Variants in CCSER1 observed in about 807,000 individuals in gnomAD.
CCSER1 encodes the protein coiled-coil serine rich protein 1.
CCSER1 carries 41 observed loss-of-function variants against 82.0 expected under a neutral mutation model. That is an observed-to-expected ratio of 0.50 (90% CI 0.39 to 0.65). The LOEUF is 0.65. Ranked by LOEUF, CCSER1 falls within the 30% of genes least tolerant of loss-of-function variation. The pLI is 0.00. For missense variants in CCSER1, 1,119 were observed against 1,064.2 expected (o/e 1.05, Z -0.72); for synonymous variants, 414 against 383.9 (o/e 1.08, Z -0.92).
At chr4:90,996,918 A>G (rs893378732) in intron 9 of CCSER1, among the ~76,000 whole-genome samples, 1 of 152,048 alleles carries the variant, frequency 6.6e-6, no homozygotes, top group Non-Finnish European at 1.5e-5. Flanking sequence ...GGACATTTGG[A>G]TTACTTCTGG....
chr4:91,150,390 G>C (rs1460268689), intron 10 of CCSER1, among the ~76,000 whole-genome samples: 1 of 152,150 alleles, frequency 6.6e-6, no homozygotes, highest in East Asian at 1.9e-4. Flanking sequence ...CTGGGATGAT[G>C]GGGTTTTCTA....
At chr4:90,670,772 A>G (rs1445386144) in intron 6 of CCSER1, among the ~76,000 whole-genome samples, 1 of 152,050 alleles carries the variant, frequency 6.6e-6, no homozygotes, top group Admixed American at 6.6e-5. Flanking sequence ...GCTACTGAAA[A>G]GTAATAGTGA....
intron 5 of CCSER1, among the ~76,000 whole-genome samples, chr4:90,605,062 C>G (rs571678829): frequency 6.6e-6 from 1 of 152,278 alleles, no homozygotes; most frequent in East Asian, 1.9e-4. Context: ...CTGCTGCTGA[C>G]TCTTTGGGTT....
At chr4:91,052,091 A>G (rs981645680) in intron 9 of CCSER1, among the ~76,000 whole-genome samples, 5 of 152,192 alleles carry the variant, frequency 3.3e-5, no homozygotes, top group Middle Eastern at 3.4e-3. Flanking sequence ...TATAATTGTT[A>G]TGGAACCCTA....
intron 5 of CCSER1, among the ~76,000 whole-genome samples, chr4:90,555,093 A>C (rs1560711661): frequency 6.6e-6 from 1 of 152,188 alleles, no homozygotes; most frequent in Non-Finnish European, 1.5e-5. Flanking sequence ...TTTGCTCAAA[A>C]ATATGTTAAA....
intron 5 of CCSER1, among the ~76,000 whole-genome samples, chr4:90,500,252 C>T (rs889405757): frequency 9.2e-5 from 14 of 151,948 alleles, no homozygotes; most frequent in Non-Finnish European, 2.9e-5. Flanking sequence ...TTTTGAATTA[C>T]CCACAGTGTT....
intron 10 of CCSER1, among the ~76,000 whole-genome samples, chr4:91,257,195 ATATGT>A (rs1342454427): frequency 1.3e-5 from 2 of 152,130 alleles, no homozygotes; most frequent in Non-Finnish European, 2.9e-5. Context: ...ATATGTTTAG[ATATGT>A]TACGTTAGAA....
In CCSER1 at chr4:90,630,474, C is replaced by T. The variant is rs758286610; in HGVS notation, c.1932+2242C>T. The stretch of plus-strand genomic sequence containing the variant: ...ATATATTTAGATGGTTTCTATACTG[C>T]CACCTGGTTTTCTTTATTAAGGGGT... On this transcript the variant is annotated intron_variant, in intron 6 of 10. Coordinates refer to ENST00000509176, the MANE Select transcript of CCSER1 (RefSeq NM_001145065.2). Among the ~76,000 whole-genome samples the T allele has an allele frequency of 3.0e-3, 464 of 152,180 alleles. 1 individual carries two copies. The highest frequency in any genetic ancestry group is 4.2e-3 in the Non-Finnish European group (284 of 67,998).
At chr4:90,410,767 C>G (rs1268206660) in intron 4 of CCSER1, among the ~76,000 whole-genome samples, 2 of 152,124 alleles carry the variant, frequency 1.3e-5, no homozygotes, top group Non-Finnish European at 2.9e-5. Flanking sequence ...CAAGAAATAA[C>G]TAAGATCAGA....
At chr4:91,471,925 G>GT (rs1433717083) in intron 10 of CCSER1, among the ~76,000 whole-genome samples, 1 of 142,588 alleles carries the variant, frequency 7.0e-6, no homozygotes, top group African/African-American at 2.6e-5. Flanking sequence ...AGCTGAGATC[G>GT]TGCCACTGCA....
Position 91,603,403 on chromosome 4 carries a change from AGAT to A in CCSER1, c.*4350_*4352del, listed in dbSNP as rs1313245717. The A allele has an allele frequency of 6.6e-6, 1 of 152,126 alleles. No individual in the cohort carries two copies. The allele number at this position is 152,126 out of a possible 1,614,324, so 9.4% of individuals were successfully genotyped here. ...TGCAGCCCAAAACCAAAAAGTTAAA[AGAT>A]GATAACACTCTGTGGTTGAATTACC... On this transcript the variant is annotated 3_prime_UTR_variant, in exon 11 of 11. Transcript: ENST00000509176.
rs116283425 is a variant in CCSER1, at chr4:90,449,781, C to T, written c.1604-18453C>T. ...AGACAGTGGGAAGGTCACTTCCAAGCCTCCAAGAGCAGAGAGGCTTCCCAG... is the reference window on the plus strand; with the variant it reads ...AGACAGTGGGAAGGTCACTTCCAAGTCTCCAAGAGCAGAGAGGCTTCCCAG... On this transcript the variant is annotated intron_variant, in intron 4 of 10. Transcript: ENST00000509176. Among the ~76,000 whole-genome samples the T allele has an allele frequency of 8.0e-3, 1,217 of 152,322 alleles. 14 individuals are homozygous for T. Among genetic ancestry groups the T allele is most frequent in the African/African-American group, 0.028 (1,170 of 41,584 alleles).
chr4:90,873,568 A>C (rs2150041128), intron 8 of CCSER1, among the ~76,000 whole-genome samples: 1 of 152,232 alleles, frequency 6.6e-6, no homozygotes. Context: ...GTAAACAAAT[A>C]ATATTTTGAA....
intron 4 of CCSER1, among the ~76,000 whole-genome samples, chr4:90,433,581 A>G (rs971472562): frequency 1.3e-5 from 2 of 152,100 alleles, no homozygotes; most frequent in African/African-American, 4.8e-5. Flanking sequence ...AAATCTTAGC[A>G]TAGTGACTCA....
chr4:90,758,615 C>T (rs534055444), intron 7 of CCSER1, among the ~76,000 whole-genome samples: 12 of 151,938 alleles, frequency 7.9e-5, no homozygotes, highest in Admixed American at 5.9e-4. Context: ...ACTATGATGC[C>T]AAATCAGGTG....
At chr4:90,445,263 T>A (rs954823554) in intron 4 of CCSER1, among the ~76,000 whole-genome samples, 6 of 152,102 alleles carry the variant, frequency 3.9e-5, no homozygotes. Flanking sequence ...TATAACACAT[T>A]ATTTCTCATG....
intron 5 of CCSER1, among the ~76,000 whole-genome samples, chr4:90,511,685 A>T (rs555265689): frequency 6.6e-6 from 1 of 152,214 alleles, no homozygotes; most frequent in Non-Finnish European, 1.5e-5. Context: ...AAGATGAAAG[A>T]TTTATACAAT....
chr4:90,969,156 T>C (rs1458790315), intron 9 of CCSER1, among the ~76,000 whole-genome samples: 1 of 151,534 alleles, frequency 6.6e-6, no homozygotes, highest in African/African-American at 2.4e-5. Context: ...GCCAGTGAGA[T>C]CTATGGGACA....
intron 10 of CCSER1, among the ~76,000 whole-genome samples, chr4:91,455,574 G>A (rs970741910): frequency 1.3e-5 from 2 of 151,932 alleles, no homozygotes; most frequent in African/African-American, 4.8e-5. Flanking sequence ...GGACTTCCCA[G>A]CCTCCAGAAT....
Sources: allele counts gnomAD v4.1 joint callset (sites outside exome capture counted in the v4.1 genomes callset), GRCh38; gene constraint gnomAD v4.1.1; transcripts MANE v1.5; gene names NCBI Gene and HGNC (gene_info 2026-07-23, HGNC 2026-07-21).